Variants in NOTCH4 observed in about 807,000 individuals in gnomAD.
NOTCH4 encodes the protein notch receptor 4.
In NOTCH4, 138 loss-of-function variants were observed where a neutral mutation model predicts 189.0. The observed-to-expected ratio is 0.73, with a 90% CI of 0.64 to 0.84. NOTCH4 has a LOEUF of 0.84. Among genes scored for constraint, NOTCH4 ranks in the 40% least tolerant of loss-of-function variants. The pLI is 0.00. For synonymous variants in NOTCH4, 942 were observed against 1,032.8 expected, an observed-to-expected ratio of 0.91 and a Z score of 1.69; for missense variants, 2,286 against 2,605.4, an observed-to-expected ratio of 0.88 and a Z score of 2.67.
Position 32,217,228 on chromosome 6 carries a change from A to G in NOTCH4, c.1663T>C (p.Cys555Arg). ...GTRCEEDIDE[C>R]RSSPCANGGQ... ...CCATTGGCACAGGGAGAGCTTCTGC[A>G]CTCATCGATATCCTCCTCACATCGG... is the stretch of plus-strand genomic sequence containing the variant. The change falls in exon 10 of 30, where the codon TGC (cysteine) becomes CGC (arginine). Residue 555 changes from cysteine (C) to arginine (R), a missense_variant. Physicochemically the swap from Cys to Arg is radical, Grantham distance 180 (BLOSUM62 -3). This residue lies in a region of NOTCH4 where 1,903 missense variants were observed against 2,261.9 expected (regional missense o/e 0.84). Transcript: ENST00000375023. This position sits in a 1 kb window ranked among gnomAD's most constrained non-coding sequence, Gnocchi z 4.2. 1 of 1,612,956 alleles carries G rather than the reference A, an allele frequency of 6.2e-7. No homozygotes were observed. The highest frequency in any genetic ancestry group is 8.5e-7 in the Non-Finnish European group (1 of 1,179,986).
In NOTCH4 at chr6:32,200,606, T is replaced by G. The variant is rs1418747968; in HGVS notation, c.4315+225A>C. Among the ~76,000 whole-genome samples, 2 of 152,216 alleles carry G rather than the reference T, an allele frequency of 1.3e-5. No individual in the cohort carries two copies. The highest frequency in any genetic ancestry group is 2.9e-5 in the Non-Finnish European group (2 of 68,036). The stretch of plus-strand genomic sequence containing the variant: ...AAACCATCCCTTTGTTGGAGGGCTA[T>G]GACAGAGGTTAGGATAATGTGCTTA... On this transcript the variant is annotated intron_variant, in intron 23 of 29. Transcript: ENST00000375023. This position sits in a 1 kb window ranked among gnomAD's most constrained non-coding sequence, Gnocchi z 5.0.
chr6:32,199,051 G>T lies in NOTCH4; in HGVS notation c.4410C>A (p.Leu1470=). 6.2e-7 allele frequency: 1 copy of T among 1,612,918 alleles called. No individual in the cohort carries two copies. The highest frequency in any genetic ancestry group is 8.5e-7 in the Non-Finnish European group (1 of 1,179,926). ...CATGCTCTCGGCGTCGACGCCGGAT[G>T]AGCTGGAGGACGAGAAGAGCCCCTA... ...LALGALLVLQ[L]IRRRRREHGA... Residue 1470 remains leucine, a synonymous_variant, in exon 24 of 30, where the codon CTC becomes CTA. Transcript: ENST00000375023. This position sits in a 1 kb window ranked among gnomAD's most constrained non-coding sequence, Gnocchi z 4.9.
rs1026108676 is a variant in NOTCH4 at position 32,202,657 on chromosome 6, A to G, written c.3232-58T>C. 2 of 1,474,314 alleles carry G rather than the reference A, an allele frequency of 1.4e-6. No individual in the cohort carries two copies. The highest frequency in any genetic ancestry group is 1.8e-6 in the Non-Finnish European group (2 of 1,102,646). The allele number at this position is 1,474,314 out of a possible 1,614,324, so 91.3% of individuals were successfully genotyped here. On this transcript the variant is annotated intron_variant, in intron 20 of 29. Coordinates refer to ENST00000375023, the MANE Select transcript of NOTCH4 (RefSeq NM_004557.4). This position sits in a 1 kb window ranked among gnomAD's most constrained non-coding sequence, Gnocchi z 5.7. ...ACTTGCATTATTCTTCCCGCTCTCC[A>G]TCAAGCAAACTCTTGGGTTAAGACG... is the stretch of plus-strand genomic sequence containing the variant.
At chr6:32,197,130 CT>C in intron 27 of NOTCH4, 58 bp from the exon 28 acceptor site, 1 of 1,591,894 alleles carries the variant, frequency 6.3e-7, no homozygotes, top group Non-Finnish European at 8.6e-7. Flanking sequence ...ACTCGAGTTC[CT>C]TACACTATTA....
rs1582783884 is a variant in NOTCH4 at position 32,202,583 on chromosome 6, G to C, written c.3248C>G (p.Thr1083Ser). 3 of 1,592,452 alleles carry C rather than the reference G, an allele frequency of 1.9e-6. No homozygotes were observed. The East Asian group carries it at 6.8e-5, about 36-fold the overall frequency. ...GCAGGAAGGGGCCCTGTGGCTGCAGGTGGGGCCTTCAAAACCCTGTGGAGG... is the reference window on the plus strand; with the variant it reads ...GCAGGAAGGGGCCCTGTGGCTGCAGCTGGGGCCTTCAAAACCCTGTGGAGG... ...CHCPKGFEGP[T>S]CSHRAPSCGF... Residue 1083 changes from threonine to serine, a missense_variant, in exon 21 of 30, where the codon ACC becomes AGC. By Grantham distance (58) the Thr-to-Ser change is moderately conservative. This residue lies in a region of NOTCH4 where 1,903 missense variants were observed against 2,261.9 expected (regional missense o/e 0.84). Coordinates refer to ENST00000375023, the MANE Select transcript of NOTCH4 (RefSeq NM_004557.4). This position sits in a 1 kb window ranked among gnomAD's most constrained non-coding sequence, Gnocchi z 5.7.
rs770820697 is a variant in NOTCH4, at chr6:32,221,048, A to G, written c.729T>C (p.Cys243=). 1 of 1,611,648 alleles carries G rather than the reference A, an allele frequency of 6.2e-7. No individual in the cohort carries two copies. The highest frequency in any genetic ancestry group is 1.1e-5 in the South Asian group (1 of 91,044). The change falls in exon 4 of 30, where the codon TGT becomes TGC. Residue 243 remains cysteine, a synonymous_variant. Coordinates refer to ENST00000375023, the MANE Select transcript of NOTCH4 (RefSeq NM_004557.4). The surrounding 1 kb of genome is among the most constrained non-coding windows in gnomAD (Gnocchi z 4.3). The part of the protein sequence containing the change: ...LRAGPCPPRG[C]SNGGTCQLMP... ...TCAGCTGGCAGGTGCCCCCATTCGAACAGCCCCTAGGAGGGCAGGGTCCTG... is the reference window on the plus strand; with the variant it reads ...TCAGCTGGCAGGTGCCCCCATTCGAGCAGCCCCTAGGAGGGCAGGGTCCTG...
chr6:32,195,747 G>C lies in NOTCH4; in HGVS notation c.5702C>G (p.Ser1901Trp). ...GGAYSHCRSL[S>W]GVGAGGGPTP... ...CGGGCCTCCTCCTGCTCCTACTCCC[G>C]AGAGGCTCCGGCAATGAGAATAGGC... Residue 1901 changes from serine to tryptophan, a missense_variant, in exon 30 of 30, where the codon TCG (serine) becomes TGG (tryptophan). Around this residue, in one of 2 missense-constraint regions of NOTCH4, gnomAD observed 383 missense variants for 343.5 expected, o/e 1.11. Coordinates refer to ENST00000375023, the MANE Select transcript of NOTCH4 (RefSeq NM_004557.4). The surrounding 1 kb of genome is among the most constrained non-coding windows in gnomAD (Gnocchi z 5.4). 1.2e-6 allele frequency: 2 copies of C among 1,612,160 alleles called. No individual in the cohort carries two copies. Among genetic ancestry groups the C allele is most frequent in the South Asian group, 1.1e-5 (1 of 91,070 alleles).
At position 32,202,476 on chromosome 6, in the gene NOTCH4, C is replaced by T; in HGVS notation, c.3355G>A (p.Gly1119Ser). The T allele has an allele frequency of 1.2e-6, 2 of 1,612,676 alleles. No individual in the cohort carries two copies. The highest frequency in any genetic ancestry group is 1.7e-6 in the Non-Finnish European group (2 of 1,179,822). Residue 1119 changes from glycine to serine, a missense_variant, in exon 21 of 30, where the codon GGC becomes AGC. Around this residue, in one of 2 missense-constraint regions of NOTCH4, gnomAD observed 1,903 missense variants for 2,261.9 expected, o/e 0.84. Transcript: ENST00000375023. The surrounding 1 kb of genome is among the most constrained non-coding windows in gnomAD (Gnocchi z 5.7). ...GTCAGGCAGTCAGGACCCCCATAGC[C>T]ACTGAGGCAGGCACAGCGTGGTGGG... The part of the protein sequence containing the change: ...GFPPRCACLS[G>S]YGGPDCLTPP...
At position 32,195,303 on chromosome 6, in the gene NOTCH4, A is replaced by G; in HGVS notation, c.*134T>C. On this transcript the variant is annotated 3_prime_UTR_variant, in exon 30 of 30. Coordinates refer to ENST00000375023, the MANE Select transcript of NOTCH4 (RefSeq NM_004557.4). This position sits in a 1 kb window ranked among gnomAD's most constrained non-coding sequence, Gnocchi z 5.4. ...GTGGAAGATGTCTGCTCTGGTGGGC[A>G]TACATTCATTTTAGGAGAGAAACTA... 1.2e-6 allele frequency: 1 copy of G among 804,756 alleles called. No homozygotes were observed. The highest frequency in any genetic ancestry group is 1.9e-6 in the Non-Finnish European group (1 of 523,132). The allele number at this position is 804,756 out of a possible 1,614,324, so 49.9% of individuals were successfully genotyped here. A position where few individuals can be genotyped will look rare whatever the true frequency, so the allele number is the denominator to read the frequency against.
rs2127477132 is a variant in NOTCH4, at chr6:32,212,485, G to A, written c.2669C>T (p.Ala890Val). 11 of 1,611,298 alleles carry A rather than the reference G, an allele frequency of 6.8e-6. No individual in the cohort carries two copies. The highest frequency in any genetic ancestry group is 9.3e-6 in the Non-Finnish European group (11 of 1,179,074). Residue 890 changes from alanine to valine, a missense_variant, in exon 17 of 30, where the codon GCA (alanine) becomes GTA (valine). By Grantham distance (64) the Ala-to-Val change is moderately conservative. Transcript: ENST00000375023. This position sits in a 1 kb window ranked among gnomAD's most constrained non-coding sequence, Gnocchi z 4.4. ...CCGGCGTTGGTTACCTTGGCTCAGT[G>A]CAGCCTTCTGGCAGGAGGACAGTGG... ...NLPLSSCQKA[A>V]LSQGIDVSSL...
chr6:32,196,052 A>C lies in NOTCH4; in HGVS notation c.5397T>G (p.Ala1799=). The change falls in exon 30 of 30, where the codon GCT becomes GCG. Residue 1799 remains alanine, a synonymous_variant. Coordinates refer to ENST00000375023, the MANE Select transcript of NOTCH4 (RefSeq NM_004557.4). ...GAGCGACGTCCGCCGGCGCTAGCCC[A>C]GCCTGGTCCCGCAGCTCTCGGGCTG... ...LGAARELRDQ[A]GLAPADVAHQ... is the part of the protein sequence containing the mutation. The C allele has an allele frequency of 6.3e-7, 1 of 1,594,742 alleles. No homozygotes were observed. Among genetic ancestry groups the C allele is most frequent in the Non-Finnish European group, 8.5e-7 (1 of 1,177,242 alleles).
rs1233978330 is a variant in NOTCH4, at chr6:32,202,093, CTCACAGTCGTAGCCA to C, written c.3723_3737del (p.Asp1241_Cys1245del). 2.0e-6 allele frequency: 3 copies of C among 1,477,646 alleles called. No individual in the cohort carries two copies. In the African/African-American group the frequency reaches 4.2e-5, roughly 21 times the overall value. The allele number at this position is 1,477,646 out of a possible 1,614,324, so 91.5% of individuals were successfully genotyped here. On this transcript the variant is annotated inframe_deletion, in exon 21 of 30. Coordinates refer to ENST00000375023, the MANE Select transcript of NOTCH4 (RefSeq NM_004557.4). This position sits in a 1 kb window ranked among gnomAD's most constrained non-coding sequence, Gnocchi z 5.7. ...AGGCTCACGTGCAGGCTGGAGGGGT[CTCACAGTCGTAGCCA>C]TCAAACAGACACTCTTCAGAGTCAC... is the stretch of plus-strand genomic sequence containing the variant.
chr6:32,195,221 T>G lies in NOTCH4; in HGVS notation c.*216A>C. 1 of 563,364 alleles carries G rather than the reference T, an allele frequency of 1.8e-6. No individual in the cohort carries two copies. Among genetic ancestry groups the G allele is most frequent in the Non-Finnish European group, 3.1e-6 (1 of 324,172 alleles). 34.9% of individuals were successfully genotyped at this position (563,364 alleles called of 1,614,324 possible). On this transcript the variant is annotated 3_prime_UTR_variant, in exon 30 of 30. Coordinates refer to ENST00000375023, the MANE Select transcript of NOTCH4 (RefSeq NM_004557.4). This position sits in a 1 kb window ranked among gnomAD's most constrained non-coding sequence, Gnocchi z 5.4. ...CCTGTCTTATTTTCTGGAGGAGGACTGGGCCTGCCTCATCCTAGCATCTTA... is the reference window on the plus strand; with the variant it reads ...CCTGTCTTATTTTCTGGAGGAGGACGGGGCCTGCCTCATCCTAGCATCTTA...
Position 32,210,892 on chromosome 6 carries a change from C to A in NOTCH4, c.2725G>T (p.Asp909Tyr). 1 of 1,611,022 alleles carries A rather than the reference C, an allele frequency of 6.2e-7. No homozygotes were observed. Residue 909 changes from aspartate to tyrosine, a missense_variant, in exon 18 of 30, where the codon GAC becomes TAC. Transcript: ENST00000375023. The surrounding 1 kb of genome is among the most constrained non-coding windows in gnomAD (Gnocchi z 4.8). ...SLCHNGGLCV[D>Y]SGPSYFCHCP... ...TGGCAGAAATAGGAGGGGCCGCTGTCGACACAGAGGCCTCCATTGTGGCAA... is the reference window on the plus strand; with the variant it reads ...TGGCAGAAATAGGAGGGGCCGCTGTAGACACAGAGGCCTCCATTGTGGCAA...
chr6:32,210,015 A>G lies in NOTCH4; in HGVS notation c.2865+737T>C, dbSNP rs1418606066. 6.6e-6 allele frequency among the ~76,000 whole-genome samples: 1 copy of G among 152,212 alleles called. No individual in the cohort carries two copies. The highest frequency in any genetic ancestry group is 1.5e-5 in the Non-Finnish European group (1 of 68,032). On this transcript the variant is annotated intron_variant, in intron 18 of 29. Transcript: ENST00000375023. The surrounding 1 kb of genome is among the most constrained non-coding windows in gnomAD (Gnocchi z 4.8). ...ACACAAAAAAGTTGTGGTTCTGAGC[A>G]TATGAATCAGGCTGCTTAGACTTGA...
chr6:32,223,881 TAGCAGCAGCAGCAGCAGCAGC>T lies in NOTCH4; in HGVS notation c.27_47del (p.Leu10_Leu16del). ...CTCTGGGTCTGACCACTGAGACACA[TAGCAGCAGCAGCAGCAGCAGC>T]AGCAGCAGCAGTGAAGGGGGCTGCA... On this transcript the variant is annotated inframe_deletion, in exon 1 of 30. Transcript: ENST00000375023. 1 of 1,583,944 alleles carries T rather than the reference TAGCAGCAGCAGCAGCAGCAGC, an allele frequency of 6.3e-7. No homozygotes were observed.
Position 32,217,928 on chromosome 6 carries a change from T to A in NOTCH4, c.1624+67A>T. Reference sequence around the variant, plus strand: ...GCTTCAAGTGGCCTTGGGTGATTGCTGAGCCTGAACTCTGCAGGTTCAGAG... The same window carrying A: ...GCTTCAAGTGGCCTTGGGTGATTGCAGAGCCTGAACTCTGCAGGTTCAGAG... On this transcript the variant is annotated intron_variant, in intron 9 of 29. Coordinates refer to ENST00000375023, the MANE Select transcript of NOTCH4 (RefSeq NM_004557.4). This position sits in a 1 kb window ranked among gnomAD's most constrained non-coding sequence, Gnocchi z 4.2. 9.4e-7 allele frequency: 1 copy of A among 1,058,540 alleles called. No homozygotes were observed. The highest frequency in any genetic ancestry group is 1.3e-5 in the South Asian group (1 of 75,560). 65.6% of individuals were successfully genotyped at this position (1,058,540 alleles called of 1,614,324 possible).
chr6:32,223,920 G>T lies in NOTCH4; in HGVS notation c.9C>A (p.Pro3=). Residue 3 remains proline, a synonymous_variant, in exon 1 of 30, where the codon CCC becomes CCA. Transcript: ENST00000375023. MQ[P]PSLLLLLLLL... is the part of the protein sequence containing the mutation. ...GCAGCAGCAGCAGCAGCAGTGAAGG[G>T]GGCTGCATTCCACAGCCCCTTCTCC... The T allele has an allele frequency of 6.5e-7, 1 of 1,540,198 alleles. No individual in the cohort carries two copies.
chr6:32,200,889 TC>T lies in NOTCH4; in HGVS notation c.4256del (p.Gly1419GlufsTer39). On this transcript the variant is annotated frameshift_variant, in exon 23 of 30. Coordinates refer to ENST00000375023, the MANE Select transcript of NOTCH4 (RefSeq NM_004557.4). LOFTEE classifies it high-confidence loss of function. The surrounding 1 kb of genome is among the most constrained non-coding windows in gnomAD (Gnocchi z 5.0). ...LRFLAAMAAV[G>X]ALEPLLPGPL... ...GTCCAGGCAGCAGGGGCTCCAGGGCTCCCACTGCAGCCATCGCAGCAAGGAA... is the reference window on the plus strand; with the variant it reads ...GTCCAGGCAGCAGGGGCTCCAGGGCTCCACTGCAGCCATCGCAGCAAGGAA... The T allele has an allele frequency of 6.2e-7, 1 of 1,609,144 alleles. No homozygotes were observed. Among genetic ancestry groups the T allele is most frequent in the South Asian group, 1.1e-5 (1 of 90,536 alleles).
Sources: allele counts gnomAD v4.1 joint callset (sites outside exome capture counted in the v4.1 genomes callset), GRCh38; gene constraint gnomAD v4.1.1; regional missense constraint gnomAD v4.1.1; non-coding constraint Gnocchi (gnomAD v3.1); transcripts MANE v1.5; gene names NCBI Gene and HGNC (gene_info 2026-07-23, HGNC 2026-07-21).